Variants in TENM3 observed in about 807,000 individuals in gnomAD.
TENM3 encodes the protein teneurin-3.
A neutral mutation model predicts 255.1 loss-of-function variants in TENM3; 63 were observed. That is an observed-to-expected ratio of 0.25 (90% CI 0.20 to 0.30). The LOEUF (loss-of-function observed/expected upper bound fraction) is 0.30, where lower values mean the gene tolerates loss of function less well. TENM3 is among the 10% of genes least tolerant of loss of function. The pLI is 1.00. For synonymous variants in TENM3, 1,306 were observed against 1,322.3 expected (o/e 0.99, Z 0.27); for missense variants, 2,929 against 3,461.1 (o/e 0.85, Z 3.86).
chr4:182,647,474 A>G (rs1184866333), intron 5 of TENM3, among the ~76,000 whole-genome samples: 1 of 152,162 alleles, frequency 6.6e-6, no homozygotes, highest in African/African-American at 2.4e-5. Context: ...ATTATACGGT[A>G]TTTGTATTTT....
intron 1 of TENM3, among the ~76,000 whole-genome samples, chr4:182,227,130 C>T (rs888917225): frequency 1.3e-5 from 2 of 152,146 alleles, no homozygotes; most frequent in African/African-American, 4.8e-5. Flanking sequence ...CACTCCTTTC[C>T]ATGGAATCAA....
intron 3 of TENM3, among the ~76,000 whole-genome samples, chr4:182,461,089 A>AT (rs1425845782): frequency 5.9e-5 from 9 of 152,212 alleles, no homozygotes; most frequent in Non-Finnish European, 8.8e-5. Flanking sequence ...TAAAAACCAG[A>AT]TTTTTTGGAT....
At chr4:181,765,389 GC>G in the TENM3 span, among the ~76,000 whole-genome samples, 1 of 152,028 alleles carries the variant, frequency 6.6e-6, no homozygotes, top group Admixed American at 6.6e-5. Flanking sequence ...TTTCTTTCTT[GC>G]TCATTTGAAA....
rs1057388392 is a variant in TENM3, at chr4:182,771,999, C to T, written c.4893-1473C>T. Among the ~76,000 whole-genome samples the T allele has an allele frequency of 4.6e-5, 7 of 152,120 alleles. 1 individual carries two copies. The East Asian group carries it at 5.8e-4, about 13-fold the overall frequency. On this transcript the variant is annotated intron_variant, in intron 22 of 27. Transcript: ENST00000511685. ...ATGTCAGTCAAACCCATGATCTGAC[C>T]GATACTGTCCCCACCGAATTAATGG...
the TENM3 span, among the ~76,000 whole-genome samples, chr4:181,966,155 C>T: frequency 6.6e-6 from 1 of 152,112 alleles, no homozygotes; most frequent in Non-Finnish European, 1.5e-5. Context: ...CCGATGAAGC[C>T]ACAGACCTCA....
chr4:182,268,310 C>A (rs902297659), intron 1 of TENM3, among the ~76,000 whole-genome samples: 3 of 152,162 alleles, frequency 2.0e-5, no homozygotes, highest in African/African-American at 7.2e-5. Context: ...ACCATACATG[C>A]TTTCTGACTG....
At chr4:181,828,908 A>G in the TENM3 span, among the ~76,000 whole-genome samples, 2 of 152,098 alleles carry the variant, frequency 1.3e-5, no homozygotes, top group African/African-American at 4.8e-5. Context: ...TCTAATTCTA[A>G]GTTCCATTGT....
the TENM3 span, among the ~76,000 whole-genome samples, chr4:181,863,316 G>A: frequency 1.3e-5 from 2 of 152,060 alleles, no homozygotes; most frequent in Admixed American, 1.3e-4. Context: ...CAATGACTCT[G>A]CTACTCTCAT....
intron 1 of TENM3, among the ~76,000 whole-genome samples, chr4:182,279,123 C>T (rs1363899029): frequency 6.6e-6 from 1 of 152,196 alleles, no homozygotes; most frequent in Non-Finnish European, 1.5e-5. Flanking sequence ...TGAAAACCCA[C>T]ATCAGTTACT....
At chr4:181,810,147 C>T in the TENM3 span, among the ~76,000 whole-genome samples, 1 of 152,140 alleles carries the variant, frequency 6.6e-6, no homozygotes, top group Admixed American at 6.6e-5. Context: ...GCACGGGATC[C>T]AGGACTGTGC....
chr4:181,941,097 A>G, the TENM3 span, among the ~76,000 whole-genome samples: 2 of 152,214 alleles, frequency 1.3e-5, no homozygotes, highest in Non-Finnish European at 2.9e-5. Flanking sequence ...GGGAGGTGGA[A>G]TCAAAAATTT....
intron 4 of TENM3, among the ~76,000 whole-genome samples, chr4:182,624,058 G>C (rs1750579790): frequency 1.3e-5 from 2 of 151,828 alleles, no homozygotes; most frequent in South Asian, 4.2e-4. Context: ...CTGCTCTCAG[G>C]CCCCTTGGAT....
At chr4:181,450,663 T>C in the TENM3 span, among the ~76,000 whole-genome samples, 1 of 152,218 alleles carries the variant, frequency 6.6e-6, no homozygotes, top group Non-Finnish European at 1.5e-5. Flanking sequence ...CATTTAAATT[T>C]CATTTCATGT....
At chr4:182,075,479 T>A in the TENM3 span, among the ~76,000 whole-genome samples, 1 of 152,190 alleles carries the variant, frequency 6.6e-6, no homozygotes, top group Admixed American at 6.5e-5. Context: ...ATTACAGGTA[T>A]GAGCCACCAC....
intron 1 of TENM3, among the ~76,000 whole-genome samples, chr4:182,208,091 A>G (rs1411230589): frequency 6.6e-6 from 1 of 152,226 alleles, no homozygotes; most frequent in Admixed American, 6.5e-5. Flanking sequence ...TTTTTTAATA[A>G]TGCAAGCTGC....
chr4:182,150,674 A>G (rs1049380840), intron 1 of TENM3, among the ~76,000 whole-genome samples: 2 of 152,138 alleles, frequency 1.3e-5, no homozygotes, highest in African/African-American at 2.4e-5. Flanking sequence ...TTTAGGAGGT[A>G]ACTTATAAAG....
chr4:182,069,008 G>GA, the TENM3 span, among the ~76,000 whole-genome samples: 19 of 151,852 alleles, frequency 1.3e-4, no homozygotes, highest in South Asian at 3.3e-3. Flanking sequence ...GAATATGATA[G>GA]AAAAAAGCAT....
At chr4:182,739,897 G>A (rs889079057) in intron 18 of TENM3, among the ~76,000 whole-genome samples, 6 of 152,096 alleles carry the variant, frequency 3.9e-5, no homozygotes, top group African/African-American at 1.4e-4. Context: ...TTAGCCATGT[G>A]TGGTGATACG....
intron 1 of TENM3, among the ~76,000 whole-genome samples, chr4:182,256,801 T>C (rs1050937725): frequency 7.2e-5 from 11 of 152,192 alleles, no homozygotes; most frequent in African/African-American, 2.7e-4. Flanking sequence ...ACTTGTAATA[T>C]AGCCCAATAT....
Sources: allele counts gnomAD v4.1 joint callset (sites outside exome capture counted in the v4.1 genomes callset), GRCh38; gene constraint gnomAD v4.1.1; transcripts MANE v1.5; gene names NCBI Gene and HGNC (gene_info 2026-07-23, HGNC 2026-07-21).